The following ATP2C2 variants were observed in gnomAD, a reference collection of about 807,000 sequenced individuals.
ATP2C2 encodes the protein calcium-transporting ATPase type 2C member 2.
ATP2C2 carries 171 observed loss-of-function variants against 110.8 expected under a neutral mutation model. The ratio of observed to expected loss-of-function variants is 1.54; its 90% CI spans 1.36 to 1.75. The LOEUF (loss-of-function observed/expected upper bound fraction) is 1.75, where lower values mean the gene tolerates loss of function less well. Among genes scored for constraint, ATP2C2 ranks in the 40% most tolerant of loss-of-function variants. ATP2C2 has a pLI of 0.00. For synonymous variants in ATP2C2, 804 were observed against 508.4 expected (o/e 1.58, Z -7.82); for missense variants, 1,963 against 1,235.0 (o/e 1.59, Z -8.84).
intron 24 of ATP2C2, 140 bp downstream of exon 24, chr16:84,460,941 G>A: frequency 1.6e-6 from 2 of 1,241,132 alleles, no homozygotes; most frequent in Non-Finnish European, 1.1e-6. Flanking sequence ...GATGCCATCA[G>A]AGGCGTGGGG....
intron 1 of ATP2C2, among the ~76,000 whole-genome samples, chr16:84,375,195 G>A (rs1910178730): frequency 6.6e-6 from 1 of 152,232 alleles, no homozygotes; most frequent in Non-Finnish European, 1.5e-5. Context: ...TGCTGTAGAA[G>A]CATATGTAAT....
chr16:84,431,774 A>T (rs1245768425), intron 11 of ATP2C2, among the ~76,000 whole-genome samples: 2 of 152,136 alleles, frequency 1.3e-5, no homozygotes, highest in Admixed American at 6.5e-5. Context: ...GCCTTTCCCA[A>T]TACGCCACGC....
At chr16:84,383,747 G>A (rs1910724300) in intron 1 of ATP2C2, among the ~76,000 whole-genome samples, 1 of 145,906 alleles carries the variant, frequency 6.9e-6, no homozygotes, top group African/African-American at 2.5e-5. Flanking sequence ...GTGTGTGTGT[G>A]TGTATGTGTG....
intron 1 of ATP2C2, among the ~76,000 whole-genome samples, chr16:84,382,381 A>G (rs937957656): frequency 6.6e-6 from 1 of 152,064 alleles, no homozygotes; most frequent in African/African-American, 2.4e-5. Context: ...TATCCAGTCT[A>G]TCACTGATGG....
chr16:84,439,255 T>C lies in ATP2C2; in HGVS notation c.1076T>C (p.Val359Ala). 6.2e-7 allele frequency: 1 copy of C among 1,612,366 alleles called. No homozygotes were observed. The highest frequency in any genetic ancestry group is 2.2e-5 in the East Asian group (1 of 44,874). ...GTGCTGCGGATGGCCAAGAAGCGGGTCATCGTGAAGAAGTTACCCATCGTG... is the reference window on the plus strand; with the variant it reads ...GTGCTGCGGATGGCCAAGAAGCGGGCCATCGTGAAGAAGTTACCCATCGTG... Reference protein sequence around the residue: ...LGVLRMAKKRVIVKKLPIVET... With the variant: ...LGVLRMAKKRAIVKKLPIVET... Residue 359 changes from valine (V) to alanine (A), a missense_variant, in exon 12 of 27, where the codon GTC becomes GCC. Transcript: ENST00000262429.
intron 3 of ATP2C2, 107 bp from the exon 4 acceptor site, chr16:84,408,298 C>A: frequency 9.5e-7 from 1 of 1,047,560 alleles, no homozygotes; most frequent in Non-Finnish European, 1.5e-6. Context: ...GACCTGGAAG[C>A]CTGGCCCTGA....
At chr16:84,410,507 C>T (rs2291006) in intron 4 of ATP2C2, 61 bp from the exon 5 acceptor site, 815,904 of 1,556,446 alleles carry the variant, frequency 0.52, 216,638 homozygotes, top group East Asian at 0.78. Flanking sequence ...TAGCCTGCCA[C>T]GCCCTGTCCC....
At chr16:84,415,708 T>G in intron 7 of ATP2C2, 117 bp downstream of exon 7, 3 of 756,442 alleles carry the variant, frequency 4.0e-6, no homozygotes, top group Non-Finnish European at 4.3e-6. Flanking sequence ...CAAACATACA[T>G]GCACATGCAT....
At chr16:84,460,868 C>A in intron 24 of ATP2C2, 67 bp downstream of exon 24, 1 of 1,515,240 alleles carries the variant, frequency 6.6e-7, no homozygotes, top group South Asian at 1.3e-5. Context: ...GGACTGCAGT[C>A]CCTGCCCTCC....
chr16:84,413,698 G>A (rs1456603381), intron 6 of ATP2C2, among the ~76,000 whole-genome samples: 1 of 152,160 alleles, frequency 6.6e-6, no homozygotes, highest in African/African-American at 2.4e-5. Flanking sequence ...GTGTCGGGCA[G>A]CCCAGTAGAG....
At chr16:84,411,137 T>G (rs1906249057) in intron 6 of ATP2C2, among the ~76,000 whole-genome samples, 1 of 152,136 alleles carries the variant, frequency 6.6e-6, no homozygotes, top group Non-Finnish European at 1.5e-5. Flanking sequence ...CAATGAATGG[T>G]CTCAGGAGAG....
Position 84,423,262 on chromosome 16 carries a change from C to T in ATP2C2, c.918C>T (p.Ile306=), listed in dbSNP as rs375259761. The change falls in exon 10 of 27, where the codon ATC becomes ATT. Residue 306 remains isoleucine (I), a splice_region_variant and synonymous_variant. Coordinates refer to ENST00000262429, the MANE Select transcript of ATP2C2 (RefSeq NM_014861.4). ...TGACACTCTTCTCCTTTGGCATAAT[C>T]GGTGAGTGAAGCAGTTTCCATACTG... The part of the protein sequence containing the change: ...KQLTLFSFGI[I]GLIMLIGWSQ... The T allele has an allele frequency of 6.8e-5, 109 of 1,613,524 alleles. 1 individual carries two copies. The African/African-American group carries it at 7.2e-4, about 11-fold the overall frequency.
At chr16:84,379,394 G>A (rs558185987) in intron 1 of ATP2C2, among the ~76,000 whole-genome samples, 84 of 152,156 alleles carry the variant, frequency 5.5e-4, no homozygotes, top group Non-Finnish European at 9.6e-4. Context: ...TTGAACTCCT[G>A]GGCTCAAGAG....
chr16:84,388,833 G>A (rs1904476636), intron 1 of ATP2C2, among the ~76,000 whole-genome samples: 1 of 152,166 alleles, frequency 6.6e-6, no homozygotes, highest in Non-Finnish European at 1.5e-5. Context: ...GTGCAGTGGT[G>A]CAATCTTGGC....
rs549058986 is a variant in ATP2C2, at chr16:84,406,582, A to C, written c.327+1338A>C. 30 of 985,572 alleles carry C rather than the reference A, an allele frequency of 3.0e-5. No homozygotes were observed. The African/African-American group carries it at 5.2e-4, about 17-fold the overall frequency. 61.1% of individuals were successfully genotyped at this position (985,572 alleles called of 1,614,324 possible). A position where few individuals can be genotyped will look rare whatever the true frequency, so the allele number is the denominator to read the frequency against. Reference sequence around the variant, plus strand: ...CTCCTTGAGGTCCCCTCCCTGATCAAGGCTCAGTTCTCAGTGTTCTGGGAA... The same window carrying C: ...CTCCTTGAGGTCCCCTCCCTGATCACGGCTCAGTTCTCAGTGTTCTGGGAA... On this transcript the variant is annotated intron_variant, in intron 3 of 26. Coordinates refer to ENST00000262429, the MANE Select transcript of ATP2C2 (RefSeq NM_014861.4).
chr16:84,448,180 A>C (rs544928846), intron 16 of ATP2C2, among the ~76,000 whole-genome samples: 9 of 152,230 alleles, frequency 5.9e-5, no homozygotes, highest in Admixed American at 5.2e-4. Flanking sequence ...TAATGGAAAT[A>C]TTCCCAGTTA....
intron 1 of ATP2C2, among the ~76,000 whole-genome samples, chr16:84,381,177 C>T (rs1910561151): frequency 6.6e-6 from 1 of 152,136 alleles, no homozygotes; most frequent in South Asian, 2.1e-4. Context: ...GTTTTGCGTG[C>T]AGGGGTGGAT....
At chr16:84,421,687 T>A (rs1470236147) in intron 7 of ATP2C2, among the ~76,000 whole-genome samples, 6 of 152,216 alleles carry the variant, frequency 3.9e-5, no homozygotes, top group Non-Finnish European at 8.8e-5. Flanking sequence ...GAGTATCGTT[T>A]CTGGAACCAG....
In ATP2C2 at chr16:84,463,768, C is replaced by A. The variant is rs200011337; in HGVS notation, c.*36C>A. On this transcript the variant is annotated 3_prime_UTR_variant, in exon 27 of 27. Coordinates refer to ENST00000262429, the MANE Select transcript of ATP2C2 (RefSeq NM_014861.4). ...TCCGCGGCACCTTCCCTAATCATCT[C>A]GATCTGGTTGTGACTGTGGCCCCTG... 3 of 1,552,042 alleles carry A rather than the reference C, an allele frequency of 1.9e-6. No individual in the cohort carries two copies. Among genetic ancestry groups the A allele is most frequent in the Non-Finnish European group, 1.8e-6 (2 of 1,123,600 alleles).
Sources: gnomAD v4.1 joint callset for allele counts (sites outside exome capture counted in the v4.1 genomes callset) on GRCh38, gnomAD v4.1.1 for gene constraint, MANE v1.5 for transcripts, NCBI Gene and HGNC (gene_info 2026-07-23, HGNC 2026-07-21) for gene names.